Variants in CCDC7 observed in about 807,000 individuals in gnomAD.
The protein encoded by CCDC7 is coiled-coil domain containing 7, also known as coiled-coil domain-containing protein 7.
A neutral mutation model predicts 196.9 loss-of-function variants in CCDC7; 183 were observed. The ratio of observed to expected loss-of-function variants is 0.93; its 90% CI spans 0.82 to 1.05. The LOEUF (loss-of-function observed/expected upper bound fraction) is 1.05, where lower values mean the gene tolerates loss of function less well. Ranked by LOEUF, CCDC7 falls within the 50% of genes least tolerant of loss-of-function variation. The pLI, the probability that CCDC7 is intolerant of heterozygous loss-of-function variation, is 0.00. For missense variants in CCDC7, 1,540 were observed against 1,482.2 expected (o/e 1.04, Z -0.64); for synonymous variants, 525 against 484.6 (o/e 1.08, Z -1.10).
At chr10:32,525,426 T>C (rs1021164350) in intron 11 of CCDC7, among the ~76,000 whole-genome samples, 10 of 152,212 alleles carry the variant, frequency 6.6e-5, no homozygotes, top group South Asian at 2.1e-4. Context: ...CTTTGTTAAA[T>C]TTATCTGATA....
Position 32,559,439 on chromosome 10 carries a change from G to C in CCDC7, c.1135-6119G>C, listed in dbSNP as rs189870690. Reference sequence around the variant, plus strand: ...AGGCACCCCCCAGTAGGGGCAGACTGACACCTCACACGGCCGGGTACTCCT... The same window carrying C: ...AGGCACCCCCCAGTAGGGGCAGACTCACACCTCACACGGCCGGGTACTCCT... On this transcript the variant is annotated intron_variant, in intron 13 of 41. Transcript: ENST00000639629. 4.7e-4 allele frequency among the ~76,000 whole-genome samples: 72 copies of C among 152,330 alleles called. No homozygotes were observed. The Middle Eastern group carries it at 0.014, about 29-fold the overall frequency.
intron 28 of CCDC7, among the ~76,000 whole-genome samples, chr10:32,776,324 A>G (rs12572066): frequency 0.089 from 13,530 of 152,240 alleles, 862 homozygotes; most frequent in East Asian, 0.33. Flanking sequence ...GGAATTTAGA[A>G]CACCTGAGAA....
In CCDC7 at chr10:32,500,918, T is replaced by C. The variant is rs574017169; in HGVS notation, c.872+8921T>C. 8.4e-4 allele frequency among the ~76,000 whole-genome samples: 128 copies of C among 152,226 alleles called. 1 individual carries two copies. In the East Asian group the frequency reaches 0.02, roughly 24 times the overall value. On this transcript the variant is annotated intron_variant, in intron 9 of 41. Transcript: ENST00000639629. ...AAAACCAGTCAGGCGTGGCGGCGCG[T>C]GCCTGCAATCCCAGGCACTTGGCAG...
chr10:32,651,204 G>A (rs1364428769), intron 20 of CCDC7, among the ~76,000 whole-genome samples: 1 of 152,162 alleles, frequency 6.6e-6, no homozygotes, highest in Non-Finnish European at 1.5e-5. Flanking sequence ...GATCTCAGAG[G>A]TTTGCAGTAA....
At chr10:32,725,340 T>G (rs1027937104) in intron 25 of CCDC7, 2 of 470,856 alleles carry the variant, frequency 4.2e-6, no homozygotes, top group East Asian at 1.4e-4. Flanking sequence ...AATTTCATGA[T>G]TTCTTTGCAG....
chr10:32,451,598 A>G (rs544742751), upstream of CCDC7: 961 of 1,528,390 alleles, frequency 6.3e-4, 14 homozygotes, highest in South Asian at 0.012. Flanking sequence ...ACAGGGAGGA[A>G]TAAGTTTTTT....
chr10:32,810,055 GAAGAAA>G (rs1386191996), intron 30 of CCDC7, among the ~76,000 whole-genome samples: 1 of 144,824 alleles, frequency 6.9e-6, no homozygotes, highest in Non-Finnish European at 1.6e-5. Context: ...CACAAATGAG[GAAGAAA>G]AAGAACTCAA....
chr10:32,771,735 G>C (rs977994641), intron 28 of CCDC7, among the ~76,000 whole-genome samples: 1 of 152,202 alleles, frequency 6.6e-6, no homozygotes, highest in Admixed American at 6.5e-5. Context: ...TAGCCTCAGT[G>C]TGTTGGCTTT....
intron 28 of CCDC7, among the ~76,000 whole-genome samples, chr10:32,758,946 A>G (rs2133774255): frequency 1.3e-5 from 2 of 152,268 alleles, no homozygotes; most frequent in South Asian, 4.1e-4. Context: ...ATTCCTATAC[A>G]CCAATAGCAG....
At chr10:32,507,837 A>G (rs1564495503) in intron 9 of CCDC7, among the ~76,000 whole-genome samples, 1 of 152,234 alleles carries the variant, frequency 6.6e-6, no homozygotes, top group Non-Finnish European at 1.5e-5. Flanking sequence ...ATCTTTTCAT[A>G]GTAAAAACTT....
At chr10:32,612,729 C>T (rs960212699) in intron 18 of CCDC7, among the ~76,000 whole-genome samples, 2 of 151,956 alleles carry the variant, frequency 1.3e-5, no homozygotes, top group East Asian at 3.8e-4. Flanking sequence ...TATTGATTTG[C>T]GTATGTTGAA....
intron 20 of CCDC7, among the ~76,000 whole-genome samples, chr10:32,641,373 ACTTCT>A (rs1158936170): frequency 2.0e-5 from 3 of 151,748 alleles, no homozygotes; most frequent in African/African-American, 7.3e-5. Flanking sequence ...TTTTCTCTAA[ACTTCT>A]CTTCTCACTT....
chr10:32,601,193 CTCCTGAGTAGCTG>C (rs1291047046), intron 18 of CCDC7, among the ~76,000 whole-genome samples: 1 of 152,172 alleles, frequency 6.6e-6, no homozygotes, highest in Admixed American at 6.5e-5. Context: ...CTGCCTCAGC[CTCCTGAGTAGCTG>C]GGACTACAGG....
intron 28 of CCDC7, among the ~76,000 whole-genome samples, chr10:32,763,950 G>A (rs993299715): frequency 6.6e-6 from 1 of 151,846 alleles, no homozygotes; most frequent in Non-Finnish European, 1.5e-5. Flanking sequence ...AAATTGCTAA[G>A]AGAGTAGACT....
chr10:32,638,801 A>G (rs1398301833), intron 20 of CCDC7, among the ~76,000 whole-genome samples: 5 of 152,176 alleles, frequency 3.3e-5, no homozygotes, highest in Admixed American at 6.5e-5. Flanking sequence ...TTTCAGAAGG[A>G]ATGGTACCAG....
intron 9 of CCDC7, among the ~76,000 whole-genome samples, chr10:32,499,546 CGGGAG>C (rs2043530343): frequency 6.6e-6 from 1 of 151,016 alleles, no homozygotes. Flanking sequence ...GAGAGGGTGA[CGGGAG>C]AAAGGGCTGG....
At chr10:32,726,479 G>T (rs988092247) in intron 25 of CCDC7, among the ~76,000 whole-genome samples, 1 of 151,908 alleles carries the variant, frequency 6.6e-6, no homozygotes, top group Non-Finnish European at 1.5e-5. Context: ...AATGAATTCT[G>T]AAGACCAATA....
chr10:32,445,697 C>T (rs1032042081), upstream of CCDC7, among the ~76,000 whole-genome samples: 1 of 152,184 alleles, frequency 6.6e-6, no homozygotes, highest in African/African-American at 2.4e-5. Flanking sequence ...CAAGTTAATT[C>T]CTAGTCCATT....
intron 28 of CCDC7, among the ~76,000 whole-genome samples, chr10:32,733,772 ATATT>A (rs2084382852): frequency 6.6e-6 from 1 of 152,104 alleles, no homozygotes; most frequent in Non-Finnish European, 1.5e-5. Flanking sequence ...TATTTGGAAA[ATATT>A]TATTTATTGT....
Sources: gnomAD v4.1 joint callset for allele counts (sites outside exome capture counted in the v4.1 genomes callset) on GRCh38, gnomAD v4.1.1 for gene constraint, MANE v1.5 for transcripts, NCBI Gene and HGNC (gene_info 2026-07-23, HGNC 2026-07-21) for gene names.